ACADL: variants seen among roughly 807,000 people sequenced by gnomAD.
The protein encoded by ACADL is long-chain specific acyl-CoA dehydrogenase, mitochondrial.
A neutral mutation model predicts 56.9 loss-of-function variants in ACADL; 60 were observed. The ratio of observed to expected loss-of-function variants is 1.05; its 90% CI spans 0.86 to 1.31. The LOEUF is 1.31. ACADL is among the 50% of genes most tolerant of loss of function. The pLI, the probability that ACADL is intolerant of heterozygous loss-of-function variation, is 0.00. For missense variants in ACADL, 484 were observed against 525.5 expected (o/e 0.92, Z 0.77); for synonymous variants, 158 against 179.7 (o/e 0.88, Z 0.97).
At chr2:210,225,051 T>C in intron 1 of ACADL, 136 bp downstream of exon 1, 1 of 1,492,586 alleles carries the variant, frequency 6.7e-7, no homozygotes, top group Non-Finnish European at 8.9e-7. Flanking sequence ...AGGCCAGCTC[T>C]AGCCCGGCGC....
chr2:210,199,278 T>A (rs980594505), intron 8 of ACADL, among the ~76,000 whole-genome samples: 4 of 152,066 alleles, frequency 2.6e-5, no homozygotes, highest in African/African-American at 9.7e-5. Flanking sequence ...AGAAGACATA[T>A]CTCAGAAATC....
chr2:210,222,534 A>AAAAAAGT (rs1439083969), intron 1 of ACADL, among the ~76,000 whole-genome samples: 1 of 152,006 alleles, frequency 6.6e-6, no homozygotes, highest in East Asian at 1.9e-4. Context: ...AGGAAAAGAA[A>AAAAAAGT]AAAAAGTGCT....
chr2:210,194,057 A>G (rs1252605575), intron 9 of ACADL, among the ~76,000 whole-genome samples: 1 of 152,200 alleles, frequency 6.6e-6, no homozygotes, highest in African/African-American at 2.4e-5. Flanking sequence ...TTACTGGGCT[A>G]TAACTAGTTG....
In ACADL at chr2:210,225,169, G is replaced by A; in HGVS notation, c.77+18C>T. 6.5e-7 allele frequency: 1 copy of A among 1,529,604 alleles called. No individual in the cohort carries two copies. The highest frequency in any genetic ancestry group is 2.0e-5 in the Admixed American group (1 of 50,678). The allele number at this position is 1,529,604 out of a possible 1,614,324, so 94.8% of individuals were successfully genotyped here. A position where few individuals can be genotyped will look rare whatever the true frequency, so the allele number is the denominator to read the frequency against. ...AGCCTCCCGGCCTGCAGCCGCGGAA[G>A]TCCCGGCTGGCACTCACCGCGCGGC... On this transcript the variant is annotated intron_variant, in intron 1 of 10. Coordinates refer to ENST00000233710, the MANE Select transcript of ACADL (RefSeq NM_001608.4).
In ACADL at chr2:210,195,326, T is replaced by G. The variant is rs2286963; in HGVS notation, c.997A>C (p.Lys333Gln). Residue 333 changes from lysine to glutamine, a missense_variant, in exon 9 of 11, where the codon AAA becomes CAA. By Grantham distance (53) the Lys-to-Gln change is moderately conservative (BLOSUM62 1). Transcript: ENST00000233710. ...ATATGTGTTTTTAATTCTGCTAATTTATGTTGCACTGTCTTGAATTTAAAG... is the reference window on the plus strand; with the variant it reads ...ATATGTGTTTTTAATTCTGCTAATTGATGTTGCACTGTCTTGAATTTAAAG... Reference protein sequence around the residue: ...TVAHLQTVQHKLAELKTHICV... With the variant: ...TVAHLQTVQHQLAELKTHICV... 0.33 allele frequency: 529,800 copies of G among 1,610,748 alleles called. 90,533 individuals are homozygous for G. The highest frequency in any genetic ancestry group is 0.35 in the Non-Finnish European group (415,481 of 1,177,124).
Position 210,195,328 on chromosome 2 carries a change from T to C in ACADL, c.995A>G (p.His332Arg). 1 of 1,612,292 alleles carries C rather than the reference T, an allele frequency of 6.2e-7. No homozygotes were observed. Among genetic ancestry groups the C allele is most frequent in the Non-Finnish European group, 8.5e-7 (1 of 1,178,360 alleles). ...ATGTGTTTTTAATTCTGCTAATTTA[T>C]GTTGCACTGTCTTGAATTTAAAGGA... ...KTVAHLQTVQ[H>R]KLAELKTHIC... The change falls in exon 9 of 11, where the codon CAT becomes CGT. Residue 332 changes from histidine (H) to arginine (R), a missense_variant. By Grantham distance (29) the His-to-Arg change is conservative. Transcript: ENST00000233710.
intron 5 of ACADL, among the ~76,000 whole-genome samples, chr2:210,207,764 C>T (rs954589657): frequency 2.0e-5 from 3 of 152,110 alleles, no homozygotes; most frequent in Admixed American, 6.6e-5. Context: ...GTGTTGTCTA[C>T]ACAACAGCAA....
In ACADL at chr2:210,216,452, T is replaced by C. The variant is rs2125716868; in HGVS notation, c.431A>G (p.Tyr144Cys). Residue 144 changes from tyrosine to cysteine, a missense_variant, in exon 4 of 11, where the codon TAT becomes TGT. Physicochemically the swap from Tyr to Cys is radical, Grantham distance 194. Coordinates refer to ENST00000233710, the MANE Select transcript of ACADL (RefSeq NM_001608.4). ...TTCTTCTGAGCCATGGTTTGTAATA[T>C]AGGACATGACAATACCTGAATGAAT... ...FSIHSGIVMS[Y>C]ITNHGSEEQI... is the part of the protein sequence containing the mutation. The C allele has an allele frequency of 6.2e-7, 1 of 1,613,892 alleles. No individual in the cohort carries two copies. The highest frequency in any genetic ancestry group is 8.5e-7 in the Non-Finnish European group (1 of 1,179,822).
chr2:210,188,701 C>T lies in ACADL; in HGVS notation c.*260G>A. On this transcript the variant is annotated 3_prime_UTR_variant, in exon 11 of 11. Coordinates refer to ENST00000233710, the MANE Select transcript of ACADL (RefSeq NM_001608.4). ...AGAATTTTAGAGATAAATGAAACAC[C>T]TAGGCAAGATTCAGAAAACCGTTTA... The T allele has an allele frequency of 2.8e-6, 1 of 359,028 alleles. No homozygotes were observed. Among genetic ancestry groups the T allele is most frequent in the Non-Finnish European group, 5.1e-6 (1 of 195,008 alleles). 22.2% of individuals were successfully genotyped at this position (359,028 alleles called of 1,614,324 possible). A position where few individuals can be genotyped will look rare whatever the true frequency, so the allele number is the denominator to read the frequency against.
intron 8 of ACADL, 118 bp downstream of exon 8, chr2:210,203,213 C>T: frequency 4.0e-6 from 3 of 745,206 alleles, no homozygotes; most frequent in Non-Finnish European, 7.2e-6. Context: ...ATCTCATCCA[C>T]TTCCATGGTT....
intron 8 of ACADL, among the ~76,000 whole-genome samples, chr2:210,198,647 G>A (rs1334595828): frequency 6.6e-6 from 1 of 151,972 alleles, no homozygotes; most frequent in Non-Finnish European, 1.5e-5. Flanking sequence ...TGTAGGTTCT[G>A]GAATTAGAAT....
intron 1 of ACADL, 95 bp downstream of exon 1, chr2:210,225,092 G>A: frequency 6.6e-7 from 1 of 1,517,040 alleles, no homozygotes; most frequent in Admixed American, 2.0e-5. Context: ...AGCCGCGCGC[G>A]CACCGCCCTG....
chr2:210,192,317 C>A (rs1005189515), intron 10 of ACADL, among the ~76,000 whole-genome samples: 1 of 151,726 alleles, frequency 6.6e-6, no homozygotes, highest in African/African-American at 2.4e-5. Context: ...CAAAACCACA[C>A]CTCTACTAAA....
intron 1 of ACADL, among the ~76,000 whole-genome samples, chr2:210,223,310 A>T (rs1199440284): frequency 6.6e-6 from 1 of 152,206 alleles, no homozygotes; most frequent in Non-Finnish European, 1.5e-5. Context: ...TTTTTCTCTA[A>T]GGCAATAAAC....
chr2:210,220,452 G>A lies in ACADL; in HGVS notation c.233+195C>T, dbSNP rs1288675524. On this transcript the variant is annotated intron_variant, in intron 2 of 10. Coordinates refer to ENST00000233710, the MANE Select transcript of ACADL (RefSeq NM_001608.4). ...TAAATTTTCAAATTTTCTTATTTGT[G>A]TATAGTACATTTTAAAATTCATTTA... Among the ~76,000 whole-genome samples, 3 of 152,100 alleles carry A rather than the reference G, an allele frequency of 2.0e-5. No individual in the cohort carries two copies. In the South Asian group the frequency reaches 6.2e-4, roughly 31 times the overall value.
chr2:210,224,595 G>T, intron 1 of ACADL: 1 of 985,346 alleles, frequency 1.0e-6, no homozygotes, highest in East Asian at 1.1e-4. Context: ...TCTGTATTTA[G>T]TTAGATTTGT....
chr2:210,196,151 G>C (rs963440006), intron 8 of ACADL, among the ~76,000 whole-genome samples: 1 of 152,032 alleles, frequency 6.6e-6, no homozygotes, highest in Admixed American at 6.6e-5. Context: ...TGGTTCCCCT[G>C]CACACGCTGT....
chr2:210,213,081 A>T lies in ACADL; in HGVS notation c.537-2819T>A, dbSNP rs575093200. Among the ~76,000 whole-genome samples, 271 of 152,346 alleles carry T rather than the reference A, an allele frequency of 1.8e-3. 1 individual carries two copies. The highest frequency in any genetic ancestry group is 5.9e-3 in the African/African-American group (247 of 41,584). ...ATGCCAGGCAGAGGGTGCCTATATG[A>T]CCGACCTCCACTATAAACAAGAGAC... On this transcript the variant is annotated intron_variant, in intron 4 of 10. Transcript: ENST00000233710.
intron 8 of ACADL, among the ~76,000 whole-genome samples, chr2:210,200,408 A>G (rs1431399938): frequency 6.6e-6 from 1 of 152,206 alleles, no homozygotes; most frequent in African/African-American, 2.4e-5. Context: ...CCAGGGCACT[A>G]TACAAGTTAT....
Sources: gnomAD v4.1 joint callset for allele counts (sites outside exome capture counted in the v4.1 genomes callset) on GRCh38, gnomAD v4.1.1 for gene constraint, MANE v1.5 for transcripts, NCBI Gene and HGNC (gene_info 2026-07-23, HGNC 2026-07-21) for gene names.